Variants in FAAH2 observed in about 807,000 individuals in gnomAD.
The protein encoded by FAAH2 is fatty-acid amide hydrolase 2.
A neutral mutation model predicts 36.9 loss-of-function variants in FAAH2; 60 were observed. The observed-to-expected ratio is 1.63, with a 90% CI of 1.32 to 2.02. The LOEUF is 2.02. Ranked by LOEUF, FAAH2 falls within the 30% of genes most tolerant of loss-of-function variation. The pLI is 0.00. For missense variants in FAAH2, 689 were observed against 397.5 expected, an observed-to-expected ratio of 1.73 and a Z score of -6.23; for synonymous variants, 214 against 143.8, an observed-to-expected ratio of 1.49 and a Z score of -3.49.
chrX:57,443,101 T>A (rs904924143), intron 8 of FAAH2, among the ~76,000 whole-genome samples: 16 of 111,692 alleles, frequency 1.4e-4, no homozygotes, highest in African/African-American at 4.9e-4. Flanking sequence ...AGAATTGCTC[T>A]TCTCGAGGAA....
chrX:57,373,904 G>A (rs2054609023), intron 5 of FAAH2, among the ~76,000 whole-genome samples: 1 of 111,517 alleles, frequency 9.0e-6, no homozygotes, highest in Admixed American at 9.6e-5. Flanking sequence ...TGTAAGGTGA[G>A]AGATGAGGAT....
At chrX:57,384,738 T>G (rs2147243650) in intron 7 of FAAH2, among the ~76,000 whole-genome samples, 1 of 111,700 alleles carries the variant, frequency 9.0e-6, no homozygotes, top group Admixed American at 9.5e-5. Context: ...GACTGTAAAC[T>G]AGTTCAACCA....
chrX:57,417,125 C>G (rs1466886229), intron 7 of FAAH2, among the ~76,000 whole-genome samples: 1 of 111,470 alleles, frequency 9.0e-6, no homozygotes, highest in Non-Finnish European at 1.9e-5. Flanking sequence ...GCTAGCAATT[C>G]CTCTCTCTTT....
the FAAH2 span, among the ~76,000 whole-genome samples, chrX:57,219,823 C>G: frequency 4.2e-5 from 4 of 95,290 alleles, no homozygotes; most frequent in African/African-American, 1.6e-4. Context: ...AACCTGCAAA[C>G]ATTAGGCCTC....
intron 7 of FAAH2, chrX:57,392,801 T>C (rs2055198007): frequency 3.1e-6 from 2 of 642,751 alleles, no homozygotes; most frequent in South Asian, 4.3e-5. Context: ...GAATGAATCC[T>C]GTAGGGACAC....
At chrX:57,201,521 C>T in the FAAH2 span, among the ~76,000 whole-genome samples, 27 of 111,033 alleles carry the variant, frequency 2.4e-4, no homozygotes, top group South Asian at 9.1e-3. Flanking sequence ...TTTCAGGATC[C>T]TTTCTTTATT....
chrX:57,234,343 C>G, the FAAH2 span, among the ~76,000 whole-genome samples: 1 of 111,454 alleles, frequency 9.0e-6, no homozygotes, highest in Non-Finnish European at 1.9e-5. Context: ...TTATCTCACT[C>G]AATGAGAAAT....
chrX:57,455,302 G>A (rs778552097), intron 10 of FAAH2, among the ~76,000 whole-genome samples: 61 of 111,231 alleles, frequency 5.5e-4, no homozygotes, highest in Non-Finnish European at 1.0e-3. Context: ...CTTTAAGAGA[G>A]TGCTAAATAT....
the FAAH2 span, among the ~76,000 whole-genome samples, chrX:57,251,455 T>C: frequency 1.8e-5 from 2 of 111,657 alleles, no homozygotes; most frequent in Non-Finnish European, 3.8e-5. Flanking sequence ...ACAAGGATTC[T>C]CACTGATGCC....
chrX:57,322,684 T>C (rs1035279406), intron 3 of FAAH2, among the ~76,000 whole-genome samples: 1 of 111,530 alleles, frequency 9.0e-6, no homozygotes, highest in Admixed American at 9.6e-5. Flanking sequence ...TTCATGGAAG[T>C]TTTGTTCATT....
At chrX:57,416,275 C>G (rs1356225658) in intron 7 of FAAH2, among the ~76,000 whole-genome samples, 1 of 111,336 alleles carries the variant, frequency 9.0e-6, no homozygotes, top group Non-Finnish European at 1.9e-5. Flanking sequence ...CATTATGAAG[C>G]TAGCTGGTTA....
At chrX:57,273,232 A>T in the FAAH2 span, among the ~76,000 whole-genome samples, 18 of 111,942 alleles carry the variant, frequency 1.6e-4, 1 homozygote, top group Non-Finnish European at 3.8e-5. Flanking sequence ...ATATATATGC[A>T]CCCAATACAG....
the FAAH2 span, among the ~76,000 whole-genome samples, chrX:57,124,287 C>T: frequency 9.0e-6 from 1 of 111,275 alleles, no homozygotes; most frequent in African/African-American, 3.3e-5. Flanking sequence ...TTGTTTTTGT[C>T]AGGTTTGTCA....
At chrX:57,451,590 T>C (rs972081160) in intron 10 of FAAH2, among the ~76,000 whole-genome samples, 10 of 111,205 alleles carry the variant, frequency 9.0e-5, no homozygotes, top group Non-Finnish European at 1.9e-4. Flanking sequence ...AGGAAGGATG[T>C]TGAGTAAGTA....
At chrX:57,145,169 C>A in the FAAH2 span, among the ~76,000 whole-genome samples, 2 of 110,973 alleles carry the variant, frequency 1.8e-5, no homozygotes, top group Non-Finnish European at 3.8e-5. Context: ...TTTACATTCC[C>A]ACCAGCAGTG....
the FAAH2 span, among the ~76,000 whole-genome samples, chrX:57,147,376 T>C: frequency 1.8e-5 from 2 of 111,981 alleles, no homozygotes; most frequent in African/African-American, 3.2e-5. Flanking sequence ...AATGATCTTT[T>C]GTATTTCTGT....
chrX:57,344,125 T>A (rs746907625), intron 5 of FAAH2, among the ~76,000 whole-genome samples: 1 of 105,640 alleles, frequency 9.5e-6, no homozygotes, highest in African/African-American at 3.4e-5. Context: ...TAGAATAGCT[T>A]TTTTTTTTTT....
chrX:57,431,928 A>C lies in FAAH2; in HGVS notation c.1007A>C (p.His336Pro), dbSNP rs2056312134. 6 of 1,193,455 alleles carry C rather than the reference A, an allele frequency of 5.0e-6. No homozygotes were observed. Among genetic ancestry groups the C allele is most frequent in the Non-Finnish European group, 6.8e-6 (6 of 886,230 alleles). ...LIMTQKKVVV[H>P]LETILGASVQ... ...TCTTTCTTTTATAAGGTTGTGGTTC[A>C]CCTTGAAACTATTCTAGGAGCCTCA... is the stretch of plus-strand genomic sequence containing the variant. Residue 336 changes from histidine (H) to proline (P), a missense_variant, in exon 8 of 11, where the codon CAC (histidine) becomes CCC (proline). Physicochemically the swap from His to Pro is moderately conservative, Grantham distance 77 (BLOSUM62 -2). Coordinates refer to ENST00000374900, the MANE Select transcript of FAAH2 (RefSeq NM_174912.4).
At chrX:57,289,430 A>G (rs1339220242) in intron 1 of FAAH2, among the ~76,000 whole-genome samples, 2 of 111,131 alleles carry the variant, frequency 1.8e-5, no homozygotes, top group Non-Finnish European at 3.8e-5. Flanking sequence ...CCAAAAATAC[A>G]TCAACTTATG....
Sources: allele counts gnomAD v4.1 joint callset (sites outside exome capture counted in the v4.1 genomes callset), GRCh38; gene constraint gnomAD v4.1.1; transcripts MANE v1.5; gene names NCBI Gene and HGNC (gene_info 2026-07-23, HGNC 2026-07-21).